PHF21B: variants seen among roughly 807,000 people sequenced by gnomAD.
PHF21B encodes PHD finger protein 21B.
A neutral mutation model predicts 62.2 loss-of-function variants in PHF21B; 22 were observed. The observed-to-expected ratio is 0.35, with a 90% CI of 0.25 to 0.51. The LOEUF is 0.51. Among genes scored for constraint, PHF21B ranks in the 20% least tolerant of loss-of-function variants. The pLI, the probability that PHF21B is intolerant of heterozygous loss-of-function variation, is 0.97. For missense variants in PHF21B, 701 were observed against 707.9 expected (o/e 0.99, Z 0.11); for synonymous variants, 341 against 314.7 (o/e 1.08, Z -0.88).
chr22:44,966,304 C>T (rs545817784), intron 2 of PHF21B, among the ~76,000 whole-genome samples: 2 of 152,256 alleles, frequency 1.3e-5, no homozygotes, highest in Non-Finnish European at 2.9e-5. Context: ...GAGTCTCCAG[C>T]CCCTTTTTGA....
rs996336209 is a variant in PHF21B at position 45,004,725 on chromosome 22, T to C, written c.120+3820A>G. Among the ~76,000 whole-genome samples the C allele has an allele frequency of 3.3e-5, 5 of 152,342 alleles. No homozygotes were observed. In the South Asian group the frequency reaches 6.2e-4, roughly 19 times the overall value. ...CCCAGCTTCATTCAGTGGCTGCTTC[T>C]AAGGTGGAATCCCCCATTGCTGGAC... On this transcript the variant is annotated intron_variant, in intron 2 of 12. Transcript: ENST00000313237.
intron 2 of PHF21B, among the ~76,000 whole-genome samples, chr22:44,922,515 C>T (rs1362267055): frequency 1.3e-5 from 2 of 152,056 alleles, no homozygotes; most frequent in East Asian, 3.9e-4. Flanking sequence ...GCCTCTAATC[C>T]CAGCTATTCA....
chr22:45,001,577 T>C (rs2073219392), intron 2 of PHF21B, among the ~76,000 whole-genome samples: 1 of 152,218 alleles, frequency 6.6e-6, no homozygotes, highest in African/African-American at 2.4e-5. Context: ...CTGTGAGCTG[T>C]GGGCTATATC....
At chr22:44,928,056 G>A (rs1233040172) in intron 2 of PHF21B, among the ~76,000 whole-genome samples, 2 of 152,128 alleles carry the variant, frequency 1.3e-5, no homozygotes, top group Admixed American at 6.5e-5. Context: ...ACCTTCCAGG[G>A]CAAAAGCCAC....
chr22:44,981,147 T>C (rs1458874081), intron 2 of PHF21B, among the ~76,000 whole-genome samples: 1 of 152,040 alleles, frequency 6.6e-6, no homozygotes, highest in African/African-American at 2.4e-5. Context: ...GGCCTTTATG[T>C]CCAAAGCTTC....
chr22:44,967,535 T>C (rs2072552379), intron 2 of PHF21B, among the ~76,000 whole-genome samples: 1 of 152,200 alleles, frequency 6.6e-6, no homozygotes, highest in Non-Finnish European at 1.5e-5. Flanking sequence ...TTTTACTTTT[T>C]AAAAAATAAA....
intron 9 of PHF21B, among the ~76,000 whole-genome samples, chr22:44,888,793 T>C (rs1189408285): frequency 1.3e-5 from 2 of 151,994 alleles, no homozygotes; most frequent in East Asian, 3.9e-4. Context: ...CCTTGTGTCA[T>C]GCAAATGCCC....
At chr22:44,969,551 A>G (rs1283966356) in intron 2 of PHF21B, among the ~76,000 whole-genome samples, 2 of 152,152 alleles carry the variant, frequency 1.3e-5, no homozygotes, top group Non-Finnish European at 2.9e-5. Flanking sequence ...CTGTAATCCC[A>G]GCTACTCGGG....
At chr22:44,920,897 G>A (rs2071523390) in intron 2 of PHF21B, among the ~76,000 whole-genome samples, 1 of 152,188 alleles carries the variant, frequency 6.6e-6, no homozygotes, top group Non-Finnish European at 1.5e-5. Context: ...TATTTCCTCA[G>A]ACAATCCTCT....
At chr22:45,007,371 G>C (rs2073336227) in intron 2 of PHF21B, among the ~76,000 whole-genome samples, 1 of 151,004 alleles carries the variant, frequency 6.6e-6, no homozygotes. Flanking sequence ...CCCTACGCCA[G>C]AAAATCCCCC....
At chr22:44,930,678 G>T (rs924456728) in intron 2 of PHF21B, among the ~76,000 whole-genome samples, 1 of 152,192 alleles carries the variant, frequency 6.6e-6, no homozygotes, top group Non-Finnish European at 1.5e-5. Flanking sequence ...GCCACCAGGG[G>T]CCCTGAATCC....
rs937254691 is a variant in PHF21B at position 44,906,793 on chromosome 22, G to A, written c.831+7029C>T. Among the ~76,000 whole-genome samples, 3 of 152,214 alleles carry A rather than the reference G, an allele frequency of 2.0e-5. No homozygotes were observed. In the South Asian group the frequency reaches 6.2e-4, roughly 32 times the overall value. On this transcript the variant is annotated intron_variant, in intron 5 of 12. Transcript: ENST00000313237. ...CCCGCTACTGTGCAGCCGCCGTGAC[G>A]ACAGGGGGAGAAGGAAGGGGAAGCA...
intron 5 of PHF21B, among the ~76,000 whole-genome samples, chr22:44,909,175 A>T (rs2071303116): frequency 1.3e-5 from 2 of 152,252 alleles, no homozygotes; most frequent in South Asian, 4.1e-4. Flanking sequence ...TATCTATCTA[A>T]GTCATCGCAT....
At chr22:44,979,393 G>A (rs1253669667) in intron 2 of PHF21B, among the ~76,000 whole-genome samples, 1 of 152,236 alleles carries the variant, frequency 6.6e-6, no homozygotes, top group African/African-American at 2.4e-5. Flanking sequence ...TCGTGCAAGG[G>A]CACTCAGGAG....
intron 2 of PHF21B, among the ~76,000 whole-genome samples, chr22:44,933,829 G>A (rs1038522730): frequency 6.6e-5 from 10 of 152,174 alleles, no homozygotes; most frequent in African/African-American, 2.2e-4. Flanking sequence ...CCTGCACCGC[G>A]AGGGAAGGGT....
At chr22:44,977,290 G>A (rs1193632320) in intron 2 of PHF21B, among the ~76,000 whole-genome samples, 6 of 151,904 alleles carry the variant, frequency 3.9e-5, no homozygotes, top group Non-Finnish European at 7.4e-5. Context: ...GGCCAGGCAC[G>A]GTGGTGGCTC....
intron 2 of PHF21B, chr22:45,003,214 G>C (rs2073251341): frequency 6.6e-6 from 1 of 152,314 alleles, no homozygotes; most frequent in Non-Finnish European, 1.5e-5. Context: ...CCCTAGGACA[G>C]TTAACAAATC....
chr22:44,986,468 G>C (rs2072951267), intron 2 of PHF21B, among the ~76,000 whole-genome samples: 1 of 149,260 alleles, frequency 6.7e-6, no homozygotes, highest in East Asian at 2.0e-4. Context: ...CTTTCTTGAG[G>C]GTAAGGAGAT....
At chr22:44,980,127 C>T (rs912896320) in intron 2 of PHF21B, among the ~76,000 whole-genome samples, 11 of 148,378 alleles carry the variant, frequency 7.4e-5, no homozygotes, top group Non-Finnish European at 1.6e-4. Context: ...TCAAAGCCTA[C>T]GAGGCCACTG....
Sources: allele counts gnomAD v4.1 joint callset (sites outside exome capture counted in the v4.1 genomes callset), GRCh38; gene constraint gnomAD v4.1.1; transcripts MANE v1.5; gene names NCBI Gene and HGNC (gene_info 2026-07-23, HGNC 2026-07-21).